SYT3: variants seen among roughly 807,000 people sequenced by gnomAD.
The protein encoded by SYT3 is synaptotagmin-3.
A neutral mutation model predicts 50.6 loss-of-function variants in SYT3; 25 were observed. The observed-to-expected ratio is 0.49, with a 90% CI of 0.36 to 0.69. The LOEUF is 0.69. SYT3 is among the 30% of genes least tolerant of loss of function. SYT3 has a pLI of 0.00. For synonymous variants in SYT3, 323 were observed against 353.9 expected, an observed-to-expected ratio of 0.91 and a Z score of 0.98; for missense variants, 589 against 793.6, an observed-to-expected ratio of 0.74 and a Z score of 3.10.
intron 9 of SYT3, among the ~76,000 whole-genome samples, chr19:50,624,224 C>A (rs113002977): frequency 7.7e-4 from 118 of 152,324 alleles, no homozygotes; most frequent in African/African-American, 2.7e-3. Flanking sequence ...CTTGGCCTCC[C>A]AAGGCCTGTG....
chr19:50,622,860 G>A, intron 9 of SYT3, 105 bp from the exon 10 acceptor site: 1 of 571,018 alleles, frequency 1.8e-6, no homozygotes, highest in Non-Finnish European at 3.2e-6. Flanking sequence ...TATTTAGGAT[G>A]CGCTTTCTCA....
intron 9 of SYT3, among the ~76,000 whole-genome samples, chr19:50,624,529 C>T (rs2122995743): frequency 6.7e-6 from 1 of 150,074 alleles, no homozygotes; most frequent in East Asian, 1.9e-4. Flanking sequence ...ATTATTTCTC[C>T]TGATCAAGCG....
At chr19:50,628,347 T>G (rs1440496136) in intron 6 of SYT3, among the ~76,000 whole-genome samples, 1 of 151,814 alleles carries the variant, frequency 6.6e-6, no homozygotes, top group East Asian at 1.9e-4. Flanking sequence ...ACAGGGAGAA[T>G]GAGATACCAG....
chr19:50,657,169 G>A, the SYT3 span, among the ~76,000 whole-genome samples: 1 of 152,130 alleles, frequency 6.6e-6, no homozygotes, highest in Non-Finnish European at 1.5e-5. Context: ...GGTGCTTACT[G>A]TGTGCCAGGC....
the SYT3 span, among the ~76,000 whole-genome samples, chr19:50,646,719 G>A: frequency 6.6e-6 from 1 of 152,114 alleles, no homozygotes; most frequent in African/African-American, 2.4e-5. Context: ...GGCATTTGGG[G>A]ACATGGGGAA....
chr19:50,632,953 C>T lies in SYT3; in HGVS notation c.149-142G>A. 2 of 553,644 alleles carry T rather than the reference C, an allele frequency of 3.6e-6. No individual in the cohort carries two copies. The highest frequency in any genetic ancestry group is 5.9e-6 in the Non-Finnish European group (2 of 339,848). 34.3% of individuals were successfully genotyped at this position (553,644 alleles called of 1,614,324 possible). The stretch of plus-strand genomic sequence containing the variant: ...AGTGCCAGGCACTTTACATGTATTA[C>T]TTAATTTATGTTCTACAACTCTACA... On this transcript the variant is annotated intron_variant, in intron 3 of 10. Transcript: ENST00000600079. This position sits in a 1 kb window ranked among gnomAD's most constrained non-coding sequence, Gnocchi z 4.7.
rs539158192 is a variant in SYT3, at chr19:50,622,320, C to A, written c.*165G>T. The A allele has an allele frequency of 2.3e-3, 486 of 210,228 alleles. No individual in the cohort carries two copies. The highest frequency in any genetic ancestry group is 3.8e-3 in the Non-Finnish European group (402 of 104,952). 13.0% of individuals were successfully genotyped at this position (210,228 alleles called of 1,614,324 possible). On this transcript the variant is annotated 3_prime_UTR_variant, in exon 11 of 11. Transcript: ENST00000600079. ...ACCCTGAAAGAAGGAGCTGGGCCGGCCTCCTCTCATCCTCTCGCTTCCAGG... is the reference window on the plus strand; with the variant it reads ...ACCCTGAAAGAAGGAGCTGGGCCGGACTCCTCTCATCCTCTCGCTTCCAGG...
intron 6 of SYT3, 160 bp from the exon 7 acceptor site, chr19:50,626,177 T>C (rs1302568362): frequency 6.7e-5 from 78 of 1,169,122 alleles, no homozygotes; most frequent in Non-Finnish European, 8.1e-5. Context: ...GCCCAGTAAT[T>C]CCCTGGCCAC....
the SYT3 span, among the ~76,000 whole-genome samples, chr19:50,655,074 C>T: frequency 2.0e-5 from 3 of 152,234 alleles, no homozygotes; most frequent in Non-Finnish European, 4.4e-5. Flanking sequence ...TCCAAAGTTA[C>T]ACCTCTCACT....
the SYT3 span, among the ~76,000 whole-genome samples, chr19:50,654,131 A>G: frequency 2.0e-5 from 3 of 151,878 alleles, no homozygotes; most frequent in Non-Finnish European, 2.9e-5. Context: ...GCAGGAGAGC[A>G]CCAGGGCCGG....
At chr19:50,638,374 G>A (rs1285563415) in intron 2 of SYT3, among the ~76,000 whole-genome samples, 1 of 152,094 alleles carries the variant, frequency 6.6e-6, no homozygotes, top group Non-Finnish European at 1.5e-5. Flanking sequence ...AAGGATGGAT[G>A]TGGGTAGAGA....
At chr19:50,658,089 A>T in the SYT3 span, 2 of 1,535,774 alleles carry the variant, frequency 1.3e-6, no homozygotes, top group African/African-American at 1.4e-5. Flanking sequence ...CGCTTTGAGA[A>T]CATGAACGTC....
chr19:50,646,768 G>A, the SYT3 span, among the ~76,000 whole-genome samples: 1 of 152,042 alleles, frequency 6.6e-6, no homozygotes, highest in African/African-American at 2.4e-5. Flanking sequence ...CACAGCATAT[G>A]GAAAGAGTGG....
chr19:50,656,197 A>T, the SYT3 span: 10 of 1,536,098 alleles, frequency 6.5e-6, no homozygotes, highest in South Asian at 9.5e-5. Flanking sequence ...CTGACCTCAG[A>T]GGTCCCTGCC....
chr19:50,653,344 G>A, the SYT3 span, among the ~76,000 whole-genome samples: 1 of 152,000 alleles, frequency 6.6e-6, no homozygotes, highest in Admixed American at 6.6e-5. Flanking sequence ...CGGCCACAGT[G>A]GAAAGTATTT....
At chr19:50,627,629 G>A (rs992427698) in intron 6 of SYT3, among the ~76,000 whole-genome samples, 3 of 151,416 alleles carry the variant, frequency 2.0e-5, no homozygotes, top group South Asian at 2.1e-4. Flanking sequence ...ACTGAAGCAT[G>A]AGAATCACAA....
the SYT3 span, chr19:50,656,251 G>A: frequency 1.3e-6 from 2 of 1,536,128 alleles, no homozygotes; most frequent in Non-Finnish European, 1.7e-6. Context: ...GCAGGTCATT[G>A]CAGAGTACGA....
chr19:50,656,288 T>C, the SYT3 span: 5 of 1,536,138 alleles, frequency 3.3e-6, no homozygotes, highest in African/African-American at 5.5e-5. Flanking sequence ...CTCCCGTGCA[T>C]CCGGAAGTTC....
intron 4 of SYT3, among the ~76,000 whole-genome samples, chr19:50,631,167 CTTTTTTT>C (rs869146014): frequency 3.4e-4 from 7 of 20,718 alleles, no homozygotes. Flanking sequence ...TTCTTTCTTT[CTTTTTTT>C]TTTTTTTTTT....
Sources: gnomAD v4.1 joint callset for allele counts (sites outside exome capture counted in the v4.1 genomes callset) on GRCh38, gnomAD v4.1.1 for gene constraint, Gnocchi (gnomAD v3.1) non-coding constraint, MANE v1.5 for transcripts, NCBI Gene and HGNC (gene_info 2026-07-23, HGNC 2026-07-21) for gene names.